Variants in SLC5A6 observed in about 807,000 individuals in gnomAD.
SLC5A6 encodes solute carrier family 5 member 6.
Under a neutral mutation model 67.9 loss-of-function variants are expected in SLC5A6, and 31 were observed. The ratio of observed to expected loss-of-function variants is 0.46; its 90% CI spans 0.34 to 0.62. The LOEUF is 0.62. Among genes scored for constraint, SLC5A6 ranks in the 20% least tolerant of loss-of-function variants. The pLI is 0.01. For synonymous variants in SLC5A6, 343 were observed against 331.0 expected, an observed-to-expected ratio of 1.04 and a Z score of -0.39; for missense variants, 673 against 812.8, an observed-to-expected ratio of 0.83 and a Z score of 2.09.
chr2:27,199,749 T>TGGTTTCTTGGATCCACATTTGCCCC lies in SLC5A6; in HGVS notation c.*662_*686dup, dbSNP rs1455278334. 10 of 152,730 alleles carry TGGTTTCTTGGATCCACATTTGCCCC rather than the reference T, an allele frequency of 6.5e-5. No homozygotes were observed. Among genetic ancestry groups the TGGTTTCTTGGATCCACATTTGCCCC allele is most frequent in the Non-Finnish European group, 1.5e-5 (1 of 68,072 alleles). The allele number at this position is 152,730 out of a possible 1,614,324, so 9.5% of individuals were successfully genotyped here. ...TCCACAGTGGACCCGGTCATGGCCC[T>TGGTTTCTTGGATCCACATTTGCCCC]GGTTTCTTGGATCCACATTTGCCCC... On this transcript the variant is annotated 3_prime_UTR_variant, in exon 17 of 17. Transcript: ENST00000310574.
At chr2:27,210,893 A>G (rs898811707) in intron 2 of SLC5A6, among the ~76,000 whole-genome samples, 1 of 152,094 alleles carries the variant, frequency 6.6e-6, no homozygotes, top group Non-Finnish European at 1.5e-5. Flanking sequence ...GCGTGGTGGC[A>G]GGCGCCTGTA....
At chr2:27,201,527 C>T in intron 14 of SLC5A6, 74 bp from the exon 15 acceptor site, 7 of 1,352,626 alleles carry the variant, frequency 5.2e-6, no homozygotes, top group Non-Finnish European at 7.4e-6. Flanking sequence ...CTCTACTTGC[C>T]CGCATGGTCC....
Position 27,205,454 on chromosome 2 carries a change from C to T in SLC5A6, c.630G>A (p.Met210Ile). ...IWTDVFQTLV[M>I]FLGQLAVIIV... ...TGATAACTGCCAGCTGCCCGAGGAACATGACCAGTGTCTGGAACACATCTG... is the reference window on the plus strand; with the variant it reads ...TGATAACTGCCAGCTGCCCGAGGAATATGACCAGTGTCTGGAACACATCTG... The change falls in exon 7 of 17, where the codon ATG becomes ATA. Residue 210 changes from methionine to isoleucine, a missense_variant. Physicochemically the swap from Met to Ile is conservative, Grantham distance 10 (BLOSUM62 1). Coordinates refer to ENST00000310574, the MANE Select transcript of SLC5A6 (RefSeq NM_021095.4). The T allele has an allele frequency of 6.2e-7, 1 of 1,614,194 alleles. No homozygotes were observed. The highest frequency in any genetic ancestry group is 8.5e-7 in the Non-Finnish European group (1 of 1,180,004).
intron 2 of SLC5A6, among the ~76,000 whole-genome samples, chr2:27,209,069 C>T (rs887084941): frequency 1.3e-5 from 2 of 152,136 alleles, no homozygotes; most frequent in Non-Finnish European, 2.9e-5. Context: ...CTTTGGACAC[C>T]ACTATTACAA....
chr2:27,211,183 G>A (rs1215328616), intron 2 of SLC5A6, among the ~76,000 whole-genome samples: 1 of 152,200 alleles, frequency 6.6e-6, no homozygotes, highest in Non-Finnish European at 1.5e-5. Context: ...ATTCCTCAAG[G>A]TGTGAAAGGC....
intron 16 of SLC5A6, 105 bp from the exon 17 acceptor site, chr2:27,200,684 TG>T (rs1160684618): frequency 3.3e-6 from 4 of 1,208,932 alleles, no homozygotes; most frequent in Non-Finnish European, 3.5e-6. Flanking sequence ...CCAGCAAGGC[TG>T]GGTTCGGGAG....
rs773813075 is a variant in SLC5A6 at position 27,204,881 on chromosome 2, C to G, written c.785G>C (p.Gly262Ala). The G allele has an allele frequency of 1.2e-6, 2 of 1,614,114 alleles. No individual in the cohort carries two copies. The highest frequency in any genetic ancestry group is 1.1e-5 in the South Asian group (1 of 91,078). Residue 262 changes from glycine (G) to alanine (A), a missense_variant, in exon 8 of 17, where the codon GGG (glycine) becomes GCG (alanine). Physicochemically the swap from Gly to Ala is moderately conservative, Grantham distance 60. Coordinates refer to ENST00000310574, the MANE Select transcript of SLC5A6 (RefSeq NM_021095.4). Reference sequence around the variant, plus strand: ...TAAGGAGAGCATCATGAAGACACCCCCGAAGGCCAAGGTCCAGAAGGTGTG... The same window carrying G: ...TAAGGAGAGCATCATGAAGACACCCGCGAAGGCCAAGGTCCAGAAGGTGTG... ...VRHTFWTLAF[G>A]GVFMMLSLYG...
At position 27,207,577 on chromosome 2, in the gene SLC5A6, G is replaced by A. The variant is rs200254716; in HGVS notation, c.74C>T (p.Ser25Phe). 1.2e-5 allele frequency: 19 copies of A among 1,614,132 alleles called. No homozygotes were observed. The highest frequency in any genetic ancestry group is 4.4e-5 in the South Asian group (4 of 91,090). ...GACGAACACCACATAGTCCATGATGGAGAAGGTAGACATGCCCACGCTTGT... is the reference window on the plus strand; with the variant it reads ...GACGAACACCACATAGTCCATGATGAAGAAGGTAGACATGCCCACGCTTGT... ...SGTSVGMSTF[S>F]IMDYVVFVLL... The change falls in exon 3 of 17, where the codon TCC (serine) becomes TTC (phenylalanine). Residue 25 changes from serine (S) to phenylalanine (F), a missense_variant. Coordinates refer to ENST00000310574, the MANE Select transcript of SLC5A6 (RefSeq NM_021095.4). This position sits in a 1 kb window ranked among gnomAD's most constrained non-coding sequence, Gnocchi z 5.5.
Position 27,207,005 on chromosome 2 carries a change from C to T in SLC5A6, c.394-63G>A, listed in dbSNP as rs1245593669. 4 of 1,377,120 alleles carry T rather than the reference C, an allele frequency of 2.9e-6. No individual in the cohort carries two copies. The African/African-American group carries it at 4.3e-5, about 15-fold the overall frequency. 85.3% of individuals were successfully genotyped at this position (1,377,120 alleles called of 1,614,324 possible). On this transcript the variant is annotated intron_variant, in intron 3 of 16. Transcript: ENST00000310574. This position sits in a 1 kb window ranked among gnomAD's most constrained non-coding sequence, Gnocchi z 5.5. ...ACCCCGACAACTCACAGACAAATTC[C>T]CTCAAGATGCTCAGGAACATGAGGG...
chr2:27,201,917 C>T, intron 13 of SLC5A6, 70 bp from the exon 14 acceptor site: 1 of 1,609,034 alleles, frequency 6.2e-7, no homozygotes, highest in Non-Finnish European at 8.5e-7. Context: ...CTCAGCTCTC[C>T]TGGTGACAGC....
intron 7 of SLC5A6, 28 bp from the exon 8 acceptor site, chr2:27,204,959 G>A (rs1039255194): frequency 1.2e-6 from 2 of 1,609,038 alleles, no homozygotes; most frequent in Admixed American, 3.3e-5. Flanking sequence ...CAGTCATTGT[G>A]CAAAGCCTGA....
chr2:27,205,381 C>T lies in SLC5A6; in HGVS notation c.703G>A (p.Ala235Thr), dbSNP rs1673980972. ...CCAGAGATGCGGCCGTGCTGGGAAGCCACGGCCCACACACGCCCCAAGCCG... is the reference window on the plus strand; with the variant it reads ...CCAGAGATGCGGCCGTGCTGGGAAGTCACGGCCCACACACGCCCCAAGCCG... ...VGGLGRVWAV[A>T]SQHGRISGFE... The change falls in exon 7 of 17, where the codon GCT (alanine) becomes ACT (threonine). Residue 235 changes from alanine to threonine, a missense_variant. Physicochemically the swap from Ala to Thr is moderately conservative, Grantham distance 58. Transcript: ENST00000310574. The T allele has an allele frequency of 1.2e-6, 2 of 1,614,128 alleles. No individual in the cohort carries two copies. Among genetic ancestry groups the T allele is most frequent in the South Asian group, 1.1e-5 (1 of 91,080 alleles).
At position 27,204,497 on chromosome 2, in the gene SLC5A6, G is replaced by C; in HGVS notation, c.969C>G (p.Pro323=). 6.2e-7 allele frequency: 1 copy of C among 1,613,936 alleles called. No homozygotes were observed. Among genetic ancestry groups the C allele is most frequent in the Non-Finnish European group, 8.5e-7 (1 of 1,179,910 alleles). ...CTGCCTGAGCCTGCTGAATGCTCAT[G>C]GGATACTCCTGGTAATACGCGAACA... ...LVMFAYYQEY[P]MSIQQAQAAP... Residue 323 remains proline, a synonymous_variant, in exon 9 of 17, where the codon CCC becomes CCG. Transcript: ENST00000310574.
At position 27,212,191 on chromosome 2, in the gene SLC5A6, A is replaced by C. The variant is rs1674587854; in HGVS notation, c.-379T>G. ...GGGGGTCGGCCAGTATCCCCGAAAG[A>C]GGGCTAGGGCGCATGAAGACCAGCG... is the stretch of plus-strand genomic sequence containing the variant. On this transcript the variant is annotated 5_prime_UTR_variant, in exon 1 of 17. Transcript: ENST00000310574. The C allele has an allele frequency of 1.9e-6, 3 of 1,543,796 alleles. No homozygotes were observed. The highest frequency in any genetic ancestry group is 4.9e-5 in the East Asian group (2 of 40,918).
At position 27,200,502 on chromosome 2, in the gene SLC5A6, C is replaced by T; in HGVS notation, c.1842G>A (p.Met614Ile). The T allele has an allele frequency of 6.2e-7, 1 of 1,614,106 alleles. No homozygotes were observed. The highest frequency in any genetic ancestry group is 8.5e-7 in the Non-Finnish European group (1 of 1,179,976). The part of the protein sequence containing the change: ...VLGDSRDKEA[M>I]ALDGTAYQGS... ...CCTGATAGGCTGTGCCATCCAGGGC[C>T]ATGGCCTCCTTGTCTCTGCTGTCCC... The change falls in exon 17 of 17, where the codon ATG becomes ATA. Residue 614 changes from methionine to isoleucine, a missense_variant. Transcript: ENST00000310574.
chr2:27,210,203 G>A (rs926693473), intron 2 of SLC5A6, among the ~76,000 whole-genome samples: 2 of 152,170 alleles, frequency 1.3e-5, no homozygotes, highest in African/African-American at 4.8e-5. Context: ...CATGATGTAT[G>A]GAGAATTCCC....
At position 27,200,333 on chromosome 2, in the gene SLC5A6, G is replaced by T; in HGVS notation, c.*103C>A. 1 of 1,194,806 alleles carries T rather than the reference G, an allele frequency of 8.4e-7. No individual in the cohort carries two copies. Among genetic ancestry groups the T allele is most frequent in the Non-Finnish European group, 1.2e-6 (1 of 859,514 alleles). The allele number at this position is 1,194,806 out of a possible 1,614,324, so 74.0% of individuals were successfully genotyped here. ...CCTTTGGTATGAGCTAGATCATCCA[G>T]GCCTGTCCCTGCAGAACACACCAAG... is the stretch of plus-strand genomic sequence containing the variant. On this transcript the variant is annotated 3_prime_UTR_variant, in exon 17 of 17. Coordinates refer to ENST00000310574, the MANE Select transcript of SLC5A6 (RefSeq NM_021095.4).
In SLC5A6 at chr2:27,206,043, TAC is replaced by T; in HGVS notation, c.560_561del (p.Cys187TyrfsTer58). On this transcript the variant is annotated frameshift_variant, in exon 6 of 17. Coordinates refer to ENST00000310574, the MANE Select transcript of SLC5A6 (RefSeq NM_021095.4). LOFTEE classifies it high-confidence loss of function. ...GCACTTACCAGAGCTGTATAGACGG[TAC>T]AGACAATGCCCAGGGCCAGCACGGA... is the stretch of plus-strand genomic sequence containing the variant. The part of the protein sequence containing the change: ...WLSVLALGIV[C>X]TVYTALGGLK... 7 of 1,613,998 alleles carry T rather than the reference TAC, an allele frequency of 4.3e-6. No homozygotes were observed. The highest frequency in any genetic ancestry group is 5.1e-6 in the Non-Finnish European group (6 of 1,179,910).
At position 27,201,071 on chromosome 2, in the gene SLC5A6, G is replaced by A; in HGVS notation, c.1691C>T (p.Pro564Leu). 1 of 1,613,788 alleles carries A rather than the reference G, an allele frequency of 6.2e-7. No homozygotes were observed. Among genetic ancestry groups the A allele is most frequent in the Non-Finnish European group, 8.5e-7 (1 of 1,179,864 alleles). ...GAGGGACAGGAGCTTTGGCAACACTGGGTAAATGGTTGCAGGGTTCAGGGA... is the reference window on the plus strand; with the variant it reads ...GAGGGACAGGAGCTTTGGCAACACTAGGTAAATGGTTGCAGGGTTCAGGGA... ...GRSLNPATIY[P>L]VLPKLLSLLP... The change falls in exon 16 of 17, where the codon CCA becomes CTA. Residue 564 changes from proline (P) to leucine (L), a missense_variant. Coordinates refer to ENST00000310574, the MANE Select transcript of SLC5A6 (RefSeq NM_021095.4).
Sources: gnomAD v4.1 joint callset for allele counts (sites outside exome capture counted in the v4.1 genomes callset) on GRCh38, gnomAD v4.1.1 for gene constraint, Gnocchi (gnomAD v3.1) non-coding constraint, MANE v1.5 for transcripts, NCBI Gene and HGNC (gene_info 2026-07-23, HGNC 2026-07-21) for gene names.